Variants in SORCS2 observed in about 807,000 individuals in gnomAD.
The protein encoded by SORCS2 is VPS10 domain-containing receptor SorCS2.
A neutral mutation model predicts 141.6 loss-of-function variants in SORCS2; 100 were observed. The observed-to-expected ratio is 0.71, with a 90% CI of 0.60 to 0.83. The LOEUF is 0.83. Ranked by LOEUF, SORCS2 falls within the 40% of genes least tolerant of loss-of-function variation. The pLI is 0.00. For synonymous variants in SORCS2, 789 were observed against 676.9 expected (o/e 1.17, Z -2.57); for missense variants, 1,646 against 1,560.2 (o/e 1.05, Z -0.93).
At chr4:7,252,813 C>A (rs548540228) in intron 1 of SORCS2, among the ~76,000 whole-genome samples, 4 of 152,368 alleles carry the variant, frequency 2.6e-5, no homozygotes, top group African/African-American at 9.6e-5. Flanking sequence ...AGATGAAAAT[C>A]TCCAACCAGC....
At chr4:7,395,841 C>T (rs991176065) in intron 1 of SORCS2, among the ~76,000 whole-genome samples, 8 of 152,176 alleles carry the variant, frequency 5.3e-5, no homozygotes, top group Admixed American at 1.3e-4. Context: ...GGTGGCAGCC[C>T]CAGCAGCTGT....
intron 1 of SORCS2, among the ~76,000 whole-genome samples, chr4:7,259,687 T>C (rs1457462949): frequency 1.3e-5 from 2 of 152,180 alleles, no homozygotes; most frequent in Non-Finnish European, 2.9e-5. Context: ...GAGGAGGTGG[T>C]CATAGGCCCC....
At chr4:7,420,060 G>C (rs1320782789) in intron 2 of SORCS2, among the ~76,000 whole-genome samples, 3 of 152,212 alleles carry the variant, frequency 2.0e-5, no homozygotes, top group Admixed American at 2.0e-4. Context: ...GGAGACAAGA[G>C]AGCATGGATT....
intron 8 of SORCS2, among the ~76,000 whole-genome samples, chr4:7,672,254 ACT>A (rs1722844919): frequency 6.6e-6 from 1 of 152,094 alleles, no homozygotes; most frequent in South Asian, 2.1e-4. Context: ...AAAGTCAGAA[ACT>A]CTTAAGAGAG....
intron 26 of SORCS2, 102 bp from the exon 27 acceptor site, chr4:7,740,098 G>A (rs948166993): frequency 1.2e-5 from 12 of 968,192 alleles, no homozygotes; most frequent in Admixed American, 2.0e-5. Flanking sequence ...CCCACTGCAC[G>A]TTGGCTCGAG....
chr4:7,716,722 T>C (rs1274893927), intron 17 of SORCS2, among the ~76,000 whole-genome samples: 1 of 151,800 alleles, frequency 6.6e-6, no homozygotes, highest in African/African-American at 2.4e-5. Flanking sequence ...TATCTACCCA[T>C]CTGTCTACCC....
intron 3 of SORCS2, among the ~76,000 whole-genome samples, chr4:7,629,488 G>A (rs1719737145): frequency 6.6e-6 from 1 of 151,970 alleles, no homozygotes; most frequent in Non-Finnish European, 1.5e-5. Context: ...CAGGAGGTGG[G>A]AAGGCCAAGC....
chr4:7,400,335 C>A (rs1178995819), intron 2 of SORCS2, among the ~76,000 whole-genome samples: 1 of 152,182 alleles, frequency 6.6e-6, no homozygotes, highest in Admixed American at 6.5e-5. Flanking sequence ...TCCTGCCCCC[C>A]ATTCAGTCTC....
intron 1 of SORCS2, among the ~76,000 whole-genome samples, chr4:7,242,915 C>T (rs943088735): frequency 2.6e-5 from 4 of 152,188 alleles, no homozygotes; most frequent in South Asian, 2.1e-4. Flanking sequence ...GGCTCAGCAC[C>T]GGGAAAACGC....
At chr4:7,351,626 A>G (rs756677530) in intron 1 of SORCS2, among the ~76,000 whole-genome samples, 4 of 151,870 alleles carry the variant, frequency 2.6e-5, no homozygotes, top group Non-Finnish European at 5.9e-5. Flanking sequence ...GAAAAATCAG[A>G]GGCCCTTGTC....
intron 14 of SORCS2, among the ~76,000 whole-genome samples, chr4:7,706,053 CGCCTGGGCAGGGATGAGGCTGGGCTCT>C (rs1725416184): frequency 1.2e-5 from 1 of 82,226 alleles, no homozygotes; most frequent in African/African-American, 4.1e-5. Flanking sequence ...GGCTGGGCTC[CGCCTGGGCAGGGATGAGGCTGGGCTCT>C]GCCTGGACAG....
At chr4:7,536,672 C>A (rs147348167) in intron 3 of SORCS2, among the ~76,000 whole-genome samples, 1 of 152,302 alleles carries the variant, frequency 6.6e-6, no homozygotes, top group Admixed American at 6.5e-5. Flanking sequence ...TGGGACACTT[C>A]TGGGAAAGAT....
chr4:7,595,683 G>C (rs1717224643), intron 3 of SORCS2, among the ~76,000 whole-genome samples: 1 of 152,180 alleles, frequency 6.6e-6, no homozygotes, highest in Admixed American at 6.5e-5. Flanking sequence ...CCACAGGCCA[G>C]GGATGTCCTG....
chr4:7,608,182 C>T (rs552312034), intron 3 of SORCS2, among the ~76,000 whole-genome samples: 9 of 152,260 alleles, frequency 5.9e-5, no homozygotes, highest in Non-Finnish European at 8.8e-5. Flanking sequence ...CAGCCTCCCT[C>T]GTCACTTCCT....
intron 1 of SORCS2, among the ~76,000 whole-genome samples, chr4:7,347,093 C>G (rs1029606750): frequency 2.6e-5 from 4 of 152,020 alleles, no homozygotes; most frequent in African/African-American, 7.2e-5. Flanking sequence ...TGGCTATGAC[C>G]CAGCCCACTT....
chr4:7,373,168 C>T (rs751861769), intron 1 of SORCS2, among the ~76,000 whole-genome samples: 4 of 151,756 alleles, frequency 2.6e-5, no homozygotes, highest in South Asian at 2.1e-4. Context: ...AAGTTGTTTC[C>T]GAAGAAGCTG....
chr4:7,240,419 T>C (rs1291297201), intron 1 of SORCS2, among the ~76,000 whole-genome samples: 1 of 152,178 alleles, frequency 6.6e-6, no homozygotes, highest in Admixed American at 6.5e-5. Context: ...CCATCCAGGG[T>C]GTCAGCTGGA....
At chr4:7,591,697 A>C (rs1716923866) in intron 3 of SORCS2, among the ~76,000 whole-genome samples, 1 of 152,150 alleles carries the variant, frequency 6.6e-6, no homozygotes, top group Non-Finnish European at 1.5e-5. Context: ...AGAAAACCCC[A>C]ATCCTTCCCC....
At chr4:7,585,538 G>A (rs1009114242) in intron 3 of SORCS2, among the ~76,000 whole-genome samples, 1 of 152,142 alleles carries the variant, frequency 6.6e-6, no homozygotes, top group East Asian at 1.9e-4. Flanking sequence ...GGACTATCAG[G>A]GGACCAGGAT....
Sources: allele counts gnomAD v4.1 joint callset (sites outside exome capture counted in the v4.1 genomes callset), GRCh38; gene constraint gnomAD v4.1.1; transcripts MANE v1.5; gene names NCBI Gene and HGNC (gene_info 2026-07-23, HGNC 2026-07-21).